The following LRRC53 variants were observed in gnomAD, a reference collection of about 807,000 sequenced individuals.
LRRC53 encodes leucine rich repeat containing 53, also known as leucine-rich repeat-containing protein 53.
LRRC53 carries 25 observed loss-of-function variants against 13.6 expected under a neutral mutation model. That is an observed-to-expected ratio of 1.83 (90% CI 1.34 to 2.56). The LOEUF (loss-of-function observed/expected upper bound fraction) is 2.56. Ranked by LOEUF, LRRC53 falls within the 30% of genes most tolerant of loss-of-function variation. The probability of loss-of-function intolerance (pLI) is 0.00; values close to 1 mark genes in which losing one functional copy is unlikely to be tolerated. For synonymous variants in LRRC53, 204 were observed against 109.8 expected (o/e 1.86, Z -5.37); for missense variants, 527 against 275.8 (o/e 1.91, Z -6.45).
intron 3 of LRRC53, among the ~76,000 whole-genome samples, chr1:74,479,319 C>A (rs568726385): frequency 1.1e-4 from 16 of 152,296 alleles, no homozygotes; most frequent in Non-Finnish European, 2.2e-4. Flanking sequence ...TTATATTATT[C>A]ATCCAGTGAG....
the LRRC53 span, among the ~76,000 whole-genome samples, chr1:74,528,570 G>C: frequency 7.2e-5 from 11 of 152,282 alleles, no homozygotes; most frequent in Admixed American, 7.2e-4. Flanking sequence ...ATATATTTAG[G>C]ATAATGGGAG....
At chr1:74,520,857 G>C in the LRRC53 span, among the ~76,000 whole-genome samples, 1 of 152,104 alleles carries the variant, frequency 6.6e-6, no homozygotes, top group East Asian at 1.9e-4. Flanking sequence ...GATCTGGAAG[G>C]TACATATGGA....
chr1:74,515,389 T>G (rs898726524), upstream of LRRC53, among the ~76,000 whole-genome samples: 5 of 152,184 alleles, frequency 3.3e-5, no homozygotes, highest in Admixed American at 2.6e-4. Context: ...AAAGACATTT[T>G]TTGGTGCTTT....
At chr1:74,513,721 G>C (rs1646302858), upstream of LRRC53, among the ~76,000 whole-genome samples, 1 of 152,180 alleles carries the variant, frequency 6.6e-6, no homozygotes, top group Admixed American at 6.5e-5. Flanking sequence ...AGCATTACCA[G>C]AGAGAAATAT....
intron 1 of LRRC53, among the ~76,000 whole-genome samples, chr1:74,501,730 G>C (rs1459691898): frequency 1.3e-5 from 2 of 151,970 alleles, no homozygotes; most frequent in African/African-American, 4.8e-5. Context: ...CTTGTGATCT[G>C]TCCACCTCGG....
chr1:74,489,142 C>G, intron 1 of LRRC53: 1 of 1,544,656 alleles, frequency 6.5e-7, no homozygotes, highest in Non-Finnish European at 8.8e-7. Flanking sequence ...AAGAGAGTCT[C>G]CTTCCTTTTA....
At chr1:74,523,919 C>T in the LRRC53 span, among the ~76,000 whole-genome samples, 2 of 152,024 alleles carry the variant, frequency 1.3e-5, no homozygotes, top group African/African-American at 4.8e-5. Context: ...TGCTATCCCT[C>T]CCCTTTCCCC....
intron 1 of LRRC53, among the ~76,000 whole-genome samples, chr1:74,487,295 C>A (rs76668425): frequency 0.014 from 2,191 of 152,078 alleles, 55 homozygotes; most frequent in African/African-American, 0.05. Flanking sequence ...TCCACAGAAA[C>A]AAAAGTGAGG....
chr1:74,495,622 G>A (rs1669290973), intron 1 of LRRC53, among the ~76,000 whole-genome samples: 1 of 152,044 alleles, frequency 6.6e-6, no homozygotes, highest in Non-Finnish European at 1.5e-5. Context: ...TAGGAAGTAG[G>A]TATTCCAATT....
chr1:74,482,059 A>T (rs760629099), intron 2 of LRRC53, among the ~76,000 whole-genome samples: 5 of 152,288 alleles, frequency 3.3e-5, no homozygotes, highest in Non-Finnish European at 5.9e-5. Context: ...TTCAGCATTT[A>T]TGATTGATTA....
At chr1:74,482,150 T>A (rs931086420) in intron 2 of LRRC53, among the ~76,000 whole-genome samples, 1 of 152,170 alleles carries the variant, frequency 6.6e-6, no homozygotes, top group Non-Finnish European at 1.5e-5. Context: ...GGAGGTTTGT[T>A]TTCATGGGTC....
chr1:74,492,194 T>C, intron 1 of LRRC53: 2 of 1,613,234 alleles, frequency 1.2e-6, no homozygotes, highest in Middle Eastern at 1.6e-4. Context: ...CGGAGTCATG[T>C]GGCAGCATTA....
chr1:74,524,676 T>TAGCAAAG, the LRRC53 span, among the ~76,000 whole-genome samples: 1 of 150,124 alleles, frequency 6.7e-6, no homozygotes, highest in Admixed American at 6.7e-5. Context: ...CAGCAGCAAA[T>TAGCAAAG]AAAACACAGA....
intron 1 of LRRC53, among the ~76,000 whole-genome samples, chr1:74,499,610 G>T (rs936411406): frequency 6.6e-6 from 1 of 151,998 alleles, no homozygotes. Context: ...TCCACTGGGG[G>T]TCTTGGAATA....
chr1:74,534,384 A>G, the LRRC53 span, among the ~76,000 whole-genome samples: 23 of 152,358 alleles, frequency 1.5e-4, no homozygotes, highest in African/African-American at 5.0e-4. Context: ...CAATTCAGTC[A>G]GAAGCAATTG....
At chr1:74,531,090 A>G in the LRRC53 span, among the ~76,000 whole-genome samples, 2 of 152,200 alleles carry the variant, frequency 1.3e-5, no homozygotes, top group African/African-American at 4.8e-5. Context: ...CCTGGTTGCC[A>G]AGTCTTTCAG....
chr1:74,472,115 C>A lies in LRRC53; in HGVS notation c.1507G>T (p.Glu503Ter). The A allele has an allele frequency of 2.8e-6, 2 of 717,158 alleles. No individual in the cohort carries two copies. The highest frequency in any genetic ancestry group is 1.5e-5 in the South Asian group (1 of 67,546). 44.4% of individuals were successfully genotyped at this position (717,158 alleles called of 1,614,324 possible). A position where few individuals can be genotyped will look rare whatever the true frequency, so the allele number is the denominator to read the frequency against. The change falls in exon 5 of 5, where the codon GAA becomes TAA. Residue 503 changes from glutamate (E) to a stop codon, truncating the protein, a stop_gained. Coordinates refer to ENST00000294635, the MANE Select transcript of LRRC53 (RefSeq NM_001382280.1). LOFTEE classifies it low-confidence loss of function (END_TRUNC). ...TTTTCTATTGGAGGCTGCCATGATTCATTTGTTAAACGCTTCTCAAGACTT... is the reference window on the plus strand; with the variant it reads ...TTTTCTATTGGAGGCTGCCATGATTAATTTGTTAAACGCTTCTCAAGACTT... ...GESLEKRLTN[E>*]SWQPPIEKED...
chr1:74,532,672 G>T, the LRRC53 span, among the ~76,000 whole-genome samples: 1 of 143,070 alleles, frequency 7.0e-6, no homozygotes, highest in Non-Finnish European at 1.5e-5. Context: ...TCCCCTCCCT[G>T]TGTCCATGTG....
the LRRC53 span, among the ~76,000 whole-genome samples, chr1:74,535,933 T>C: frequency 6.6e-6 from 1 of 152,142 alleles, no homozygotes; most frequent in African/African-American, 2.4e-5. Context: ...CCTATTGATT[T>C]CCCCTTATTA....
Sources: gnomAD v4.1 joint callset for allele counts (sites outside exome capture counted in the v4.1 genomes callset) on GRCh38, gnomAD v4.1.1 for gene constraint, MANE v1.5 for transcripts, NCBI Gene and HGNC (gene_info 2026-07-23, HGNC 2026-07-21) for gene names.